XXYLT1: variants seen among roughly 807,000 people sequenced by gnomAD.
XXYLT1 encodes the protein xyloside xylosyltransferase 1.
In XXYLT1, 20 loss-of-function variants were observed where a neutral mutation model predicts 28.9. The observed-to-expected ratio is 0.69, with a 90% CI of 0.49 to 1.00. The LOEUF is 1.00. XXYLT1 is among the 50% of genes least tolerant of loss of function. The pLI, the probability that XXYLT1 is intolerant of heterozygous loss-of-function variation, is 0.00. For synonymous variants in XXYLT1, 257 were observed against 253.8 expected (o/e 1.01, Z -0.12); for missense variants, 542 against 560.1 (o/e 0.97, Z 0.33).
At chr3:195,136,447 C>T (rs904582392) in intron 3 of XXYLT1, among the ~76,000 whole-genome samples, 1 of 152,072 alleles carries the variant, frequency 6.6e-6, no homozygotes, top group African/African-American at 2.4e-5. Flanking sequence ...GGTCTAAGAA[C>T]CATCACTCCA....
rs1444214769 is a variant in XXYLT1 at position 195,150,449 on chromosome 3, G to A, written c.785+6000C>T. Among the ~76,000 whole-genome samples the A allele has an allele frequency of 2.6e-5, 4 of 152,218 alleles. No individual in the cohort carries two copies. Among genetic ancestry groups the A allele is most frequent in the East Asian group, 1.9e-4 (1 of 5,204 alleles). On this transcript the variant is annotated intron_variant, in intron 3 of 3. Transcript: ENST00000310380. This position sits in a 1 kb window ranked among gnomAD's most constrained non-coding sequence, Gnocchi z 4.7. ...CAGCCTGCAGAGAAGCTTTCCTTCCGAGCGTCTGGAAGAACCCGAGGCTGG... is the reference window on the plus strand; with the variant it reads ...CAGCCTGCAGAGAAGCTTTCCTTCCAAGCGTCTGGAAGAACCCGAGGCTGG...
rs1230513788 is a variant in XXYLT1, at chr3:195,270,759, G to T, written c.300C>A (p.His100Gln). 6 of 1,583,286 alleles carry T rather than the reference G, an allele frequency of 3.8e-6. No homozygotes were observed. The highest frequency in any genetic ancestry group is 5.1e-6 in the Non-Finnish European group (6 of 1,169,284). ...CCGCCTTGGTGAACATCATCAGCAG[G>T]TGGTAGTCCACCGGCCCGGCACCGC... ...EGGGAGPVDY[H>Q]LLMMFTKAEH... Residue 100 changes from histidine to glutamine, a missense_variant, in exon 1 of 4, where the codon CAC (histidine) becomes CAA (glutamine). Coordinates refer to ENST00000310380, the MANE Select transcript of XXYLT1 (RefSeq NM_152531.5).
chr3:195,242,502 T>C (rs1724821700), intron 1 of XXYLT1, among the ~76,000 whole-genome samples: 1 of 150,938 alleles, frequency 6.6e-6, no homozygotes, highest in Non-Finnish European at 1.5e-5. Context: ...ACATGAGGAG[T>C]GGTTTTAAGG....
At chr3:195,096,820 T>A (rs1294932517) in intron 3 of XXYLT1, among the ~76,000 whole-genome samples, 3 of 152,206 alleles carry the variant, frequency 2.0e-5, no homozygotes, top group Admixed American at 1.3e-4. Context: ...AAAATGAGAA[T>A]CTTGACTGAA....
chr3:195,268,953 G>C (rs746738957), intron 1 of XXYLT1, among the ~76,000 whole-genome samples: 2 of 152,210 alleles, frequency 1.3e-5, no homozygotes, highest in Admixed American at 1.3e-4. Context: ...CACCAGGGAA[G>C]TAGAAAAGGA....
At chr3:195,230,925 G>T (rs1396742384) in intron 1 of XXYLT1, among the ~76,000 whole-genome samples, 1 of 152,000 alleles carries the variant, frequency 6.6e-6, no homozygotes, top group African/African-American at 2.4e-5. Context: ...GAATGTCATT[G>T]GTATTTTGAT....
chr3:195,156,238 C>G (rs113496886), intron 3 of XXYLT1, among the ~76,000 whole-genome samples: 4,848 of 152,332 alleles, frequency 0.032, 253 homozygotes, highest in African/African-American at 0.11. Flanking sequence ...GCCACAAACT[C>G]CAACAAAATA....
intron 3 of XXYLT1, among the ~76,000 whole-genome samples, chr3:195,130,073 G>A (rs1468119144): frequency 6.6e-6 from 1 of 152,222 alleles, no homozygotes; most frequent in African/African-American, 2.4e-5. Context: ...GACTAACGAT[G>A]TTGAGCATCT....
At chr3:195,071,301 C>A (rs61277081) in intron 3 of XXYLT1, among the ~76,000 whole-genome samples, 1,977 of 152,328 alleles carry the variant, frequency 0.013, 22 homozygotes, top group African/African-American at 0.029. Flanking sequence ...CGCAGAGAGA[C>A]TTCCCCACCC....
intron 1 of XXYLT1, among the ~76,000 whole-genome samples, chr3:195,269,656 T>G (rs1055555546): frequency 6.6e-6 from 1 of 152,184 alleles, no homozygotes; most frequent in Non-Finnish European, 1.5e-5. Context: ...GTCACTCACA[T>G]AATACAACTC....
At chr3:195,123,868 C>A (rs1198534030) in intron 3 of XXYLT1, among the ~76,000 whole-genome samples, 1 of 152,194 alleles carries the variant, frequency 6.6e-6, no homozygotes. Flanking sequence ...AATTCCAGCA[C>A]ACAGAGCAGA....
intron 2 of XXYLT1, among the ~76,000 whole-genome samples, chr3:195,174,086 T>C (rs144195281): frequency 1.3e-5 from 2 of 152,354 alleles, no homozygotes; most frequent in Non-Finnish European, 2.9e-5. Context: ...ACGAGGGCTG[T>C]AGATCATTTC....
chr3:195,098,633 G>A (rs1021898470), intron 3 of XXYLT1, among the ~76,000 whole-genome samples: 2 of 152,380 alleles, frequency 1.3e-5, no homozygotes, highest in African/African-American at 2.4e-5. Flanking sequence ...CAGTGGCAGA[G>A]GAGGTGAAGC....
chr3:195,082,529 C>T (rs1203651071), intron 3 of XXYLT1, among the ~76,000 whole-genome samples: 3 of 152,142 alleles, frequency 2.0e-5, no homozygotes, highest in African/African-American at 7.2e-5. Flanking sequence ...CGTGGGAGTA[C>T]AGCAGGAAGA....
At chr3:195,080,045 G>A (rs1715341973) in intron 3 of XXYLT1, among the ~76,000 whole-genome samples, 1 of 152,146 alleles carries the variant, frequency 6.6e-6, no homozygotes, top group Non-Finnish European at 1.5e-5. Flanking sequence ...AAAGCTAGAT[G>A]GCAGGAATTT....
In XXYLT1 at chr3:195,151,635, TATAA is replaced by T. The variant is rs1424734933; in HGVS notation, c.785+4810_785+4813del. ...AGATAAACAATAAACAATTATTTAGTATAAATAAACGATTATTTATAAACAATAA... is the reference window on the plus strand; with the variant it reads ...AGATAAACAATAAACAATTATTTAGTATAAACGATTATTTATAAACAATAA... On this transcript the variant is annotated intron_variant, in intron 3 of 3. Coordinates refer to ENST00000310380, the MANE Select transcript of XXYLT1 (RefSeq NM_152531.5). Among the ~76,000 whole-genome samples, 4 of 152,154 alleles carry T rather than the reference TATAA, an allele frequency of 2.6e-5. 1 individual carries two copies. Among genetic ancestry groups the T allele is most frequent in the Middle Eastern group, 6.3e-3 (2 of 316 alleles).
chr3:195,122,932 A>T (rs1178618670), intron 3 of XXYLT1, among the ~76,000 whole-genome samples: 1 of 152,182 alleles, frequency 6.6e-6, no homozygotes, highest in Non-Finnish European at 1.5e-5. Context: ...AGGTGCTATA[A>T]GCCAGGAGCC....
At chr3:195,070,613 A>G (rs1278904650) in intron 3 of XXYLT1, among the ~76,000 whole-genome samples, 3 of 152,210 alleles carry the variant, frequency 2.0e-5, no homozygotes, top group Non-Finnish European at 4.4e-5. Flanking sequence ...TTCACCTGTG[A>G]TCTTGAAAAG....
chr3:195,097,400 G>A (rs1470218163), intron 3 of XXYLT1, among the ~76,000 whole-genome samples: 4 of 152,144 alleles, frequency 2.6e-5, no homozygotes, highest in South Asian at 2.1e-4. Flanking sequence ...CTAGCACCAC[G>A]TGTGGGTTAC....
Sources: allele counts gnomAD v4.1 joint callset (sites outside exome capture counted in the v4.1 genomes callset), GRCh38; gene constraint gnomAD v4.1.1; non-coding constraint Gnocchi (gnomAD v3.1); transcripts MANE v1.5; gene names NCBI Gene and HGNC (gene_info 2026-07-23, HGNC 2026-07-21).